Variants in CDKAL1 observed in about 807,000 individuals in gnomAD.
CDKAL1 encodes CDKAL1 threonylcarbamoyladenosine tRNA methylthiotransferase.
CDKAL1 carries 32 observed loss-of-function variants against 68.2 expected under a neutral mutation model. The observed-to-expected ratio is 0.47, with a 90% CI of 0.35 to 0.63. The LOEUF is 0.63. Ranked by LOEUF, CDKAL1 falls within the 30% of genes least tolerant of loss-of-function variation. The pLI, the probability that CDKAL1 is intolerant of heterozygous loss-of-function variation, is 0.00. For missense variants in CDKAL1, 606 were observed against 696.7 expected, an observed-to-expected ratio of 0.87 and a Z score of 1.47; for synonymous variants, 234 against 244.3, an observed-to-expected ratio of 0.96 and a Z score of 0.39.
chr6:21,138,225 GTA>G, intron 13 of CDKAL1, among the ~76,000 whole-genome samples: 3 of 48,884 alleles, frequency 6.1e-5, no homozygotes, highest in East Asian at 4.8e-3. Context: ...TTGTGTGTGT[GTA>G]TGTGTGTGTC....
chr6:20,750,257 A>G (rs1014979467), intron 6 of CDKAL1, among the ~76,000 whole-genome samples: 1 of 151,946 alleles, frequency 6.6e-6, no homozygotes, highest in African/African-American at 2.4e-5. Context: ...TTGTTTCTGT[A>G]AAGATGGTGT....
At chr6:20,787,946 T>A (rs1225081474) in intron 8 of CDKAL1, among the ~76,000 whole-genome samples, 2 of 152,230 alleles carry the variant, frequency 1.3e-5, no homozygotes, top group African/African-American at 4.8e-5. Flanking sequence ...TGATTTAGGC[T>A]AGTGTGTGTT....
intron 4 of CDKAL1, among the ~76,000 whole-genome samples, chr6:20,587,754 C>CT (rs1561945845): frequency 6.7e-6 from 1 of 148,488 alleles, no homozygotes; most frequent in Non-Finnish European, 1.5e-5. Context: ...ACAAACAAAC[C>CT]GCCCCCCTCA....
intron 13 of CDKAL1, among the ~76,000 whole-genome samples, chr6:21,137,185 C>A (rs994738321): frequency 1.3e-5 from 2 of 152,108 alleles, no homozygotes; most frequent in Non-Finnish European, 2.9e-5. Flanking sequence ...AGATTGACAA[C>A]GGAGAAAGAA....
At chr6:20,557,452 C>T (rs140062475) in intron 4 of CDKAL1, among the ~76,000 whole-genome samples, 1,668 of 152,218 alleles carry the variant, frequency 0.011, 30 homozygotes, top group African/African-American at 0.036. Flanking sequence ...GAAACAAAGC[C>T]TTTCATACAT....
intron 5 of CDKAL1, among the ~76,000 whole-genome samples, chr6:20,651,766 G>A (rs569685184): frequency 7.1e-4 from 108 of 152,228 alleles, no homozygotes; most frequent in African/African-American, 2.5e-3. Context: ...TAACATGAAG[G>A]GATGTTGAAT....
chr6:20,956,671 G>T (rs147877676), intron 10 of CDKAL1, among the ~76,000 whole-genome samples: 2,110 of 152,196 alleles, frequency 0.014, 38 homozygotes, highest in South Asian at 0.056. Context: ...ACATTTAAAA[G>T]ATTATTTCGC....
At chr6:20,616,269 T>C (rs1377195317) in intron 4 of CDKAL1, among the ~76,000 whole-genome samples, 3 of 151,914 alleles carry the variant, frequency 2.0e-5, no homozygotes, top group African/African-American at 7.3e-5. Context: ...TGCGGGCTCT[T>C]TTTTGGTTCC....
chr6:21,116,017 C>G (rs553375586), intron 13 of CDKAL1, among the ~76,000 whole-genome samples: 2 of 152,288 alleles, frequency 1.3e-5, no homozygotes, highest in South Asian at 4.1e-4. Context: ...GCATTTTTCT[C>G]ATTTTTAACC....
chr6:21,221,061 G>A (rs1347434565), intron 15 of CDKAL1, among the ~76,000 whole-genome samples: 2 of 151,626 alleles, frequency 1.3e-5, no homozygotes, highest in Admixed American at 1.3e-4. Flanking sequence ...CAGCTACTCG[G>A]GAGGCTGAAG....
At chr6:20,866,501 C>G (rs944127754) in intron 9 of CDKAL1, among the ~76,000 whole-genome samples, 2 of 152,184 alleles carry the variant, frequency 1.3e-5, no homozygotes, top group Non-Finnish European at 2.9e-5. Context: ...TAAGAGCCAT[C>G]TTGCTTTGTG....
In CDKAL1 at chr6:20,695,538, A is replaced by C. The variant is rs750546851; in HGVS notation, c.372-43981A>C. On this transcript the variant is annotated intron_variant, in intron 5 of 15. Transcript: ENST00000274695. Reference sequence around the variant, plus strand: ...TAACAGGAAGAAGTGATATTTATACATTACTAGAGAGCTTCTGCTTGTTCA... The same window carrying C: ...TAACAGGAAGAAGTGATATTTATACCTTACTAGAGAGCTTCTGCTTGTTCA... 6.0e-4 allele frequency among the ~76,000 whole-genome samples: 92 copies of C among 152,242 alleles called. 1 individual carries two copies. Among genetic ancestry groups the C allele is most frequent in the Middle Eastern group, 3.4e-3 (1 of 294 alleles).
At chr6:20,866,626 C>G (rs9368246) in intron 9 of CDKAL1, among the ~76,000 whole-genome samples, 1 of 151,916 alleles carries the variant, frequency 6.6e-6, no homozygotes, top group Non-Finnish European at 1.5e-5. Flanking sequence ...TGGATAGAAT[C>G]ATTAGAGTTG....
chr6:20,904,507 G>A (rs760867787), intron 9 of CDKAL1, among the ~76,000 whole-genome samples: 1 of 152,110 alleles, frequency 6.6e-6, no homozygotes, highest in African/African-American at 2.4e-5. Flanking sequence ...CACTACATGT[G>A]GGTCTGGCAC....
chr6:20,670,463 A>G (rs1401235618), intron 5 of CDKAL1, among the ~76,000 whole-genome samples: 1 of 152,110 alleles, frequency 6.6e-6, no homozygotes, highest in Non-Finnish European at 1.5e-5. Flanking sequence ...TGCCATCCCC[A>G]TTACTCCATT....
At chr6:20,739,494 C>T (rs368672589) in intron 5 of CDKAL1, 25 bp from the exon 6 acceptor site, 51 of 1,470,240 alleles carry the variant, frequency 3.5e-5, no homozygotes, top group Non-Finnish European at 4.6e-5. Flanking sequence ...AAGGAATTCA[C>T]ATTGTCTTCT....
chr6:21,216,612 G>A (rs918319985), intron 15 of CDKAL1, among the ~76,000 whole-genome samples: 7 of 152,168 alleles, frequency 4.6e-5, no homozygotes, highest in African/African-American at 1.2e-4. Flanking sequence ...TAAAGGAAAC[G>A]TGCTAATGGA....
At chr6:21,004,851 A>G (rs1308331662) in intron 11 of CDKAL1, among the ~76,000 whole-genome samples, 2 of 152,066 alleles carry the variant, frequency 1.3e-5, no homozygotes, top group South Asian at 2.1e-4. Flanking sequence ...AGTCTCAACT[A>G]CTAGGGAGGC....
intron 6 of CDKAL1, among the ~76,000 whole-genome samples, chr6:20,748,585 A>G (rs1773773256): frequency 1.4e-5 from 2 of 142,604 alleles, no homozygotes; most frequent in African/African-American, 2.6e-5. Context: ...AAAAAAAAAA[A>G]AAAAAAAAAA....
Sources: gnomAD v4.1 joint callset for allele counts (sites outside exome capture counted in the v4.1 genomes callset) on GRCh38, gnomAD v4.1.1 for gene constraint, MANE v1.5 for transcripts, NCBI Gene and HGNC (gene_info 2026-07-23, HGNC 2026-07-21) for gene names.